DCC: variants seen among roughly 807,000 people sequenced by gnomAD.
DCC encodes the protein DCC netrin 1 receptor, also known as netrin receptor DCC.
A neutral mutation model predicts 172.5 loss-of-function variants in DCC; 58 were observed. The ratio of observed to expected loss-of-function variants is 0.34; its 90% confidence interval spans 0.27 to 0.42. The LOEUF is 0.42. Among genes scored for constraint, DCC ranks in the 10% least tolerant of loss-of-function variants. The pLI, the probability that DCC is intolerant of heterozygous loss-of-function variation, is 1.00. For synonymous variants in DCC, 709 were observed against 644.5 expected, an observed-to-expected ratio of 1.10 and a Z score of -1.52; for missense variants, 1,740 against 1,791.0, an observed-to-expected ratio of 0.97 and a Z score of 0.51.
chr18:52,619,896 A>C (rs1237805203), intron 1 of DCC, among the ~76,000 whole-genome samples: 1 of 152,178 alleles, frequency 6.6e-6, no homozygotes, highest in African/African-American at 2.4e-5. Flanking sequence ...AGTGATAAGC[A>C]CCAGTCATAA....
Position 53,285,313 on chromosome 18 carries a change from C to T in DCC, c.1912-20265C>T, listed in dbSNP as rs544591565. 3.9e-5 allele frequency among the ~76,000 whole-genome samples: 6 copies of T among 152,250 alleles called. No homozygotes were observed. In the East Asian group the frequency reaches 9.7e-4, roughly 25 times the overall value. On this transcript the variant is annotated intron_variant, in intron 12 of 28. Transcript: ENST00000442544. ...TTTGTGGGCTGGGCTCAGGGTCCCTCTATTGTGTGCAGTCTAGGGACTTGG... is the reference window on the plus strand; with the variant it reads ...TTTGTGGGCTGGGCTCAGGGTCCCTTTATTGTGTGCAGTCTAGGGACTTGG...
chr18:52,395,294 T>C (rs1986180068), intron 1 of DCC, among the ~76,000 whole-genome samples: 1 of 152,050 alleles, frequency 6.6e-6, no homozygotes, highest in Non-Finnish European at 1.5e-5. Flanking sequence ...ATAATACTAT[T>C]ATCCACCCAG....
intron 12 of DCC, among the ~76,000 whole-genome samples, chr18:53,226,270 G>C (rs1430737811): frequency 1.3e-5 from 2 of 152,126 alleles, no homozygotes; most frequent in Non-Finnish European, 2.9e-5. Flanking sequence ...CCCAGACAAA[G>C]GTAAGGTCTA....
At chr18:53,317,691 G>A (rs2057360129) in intron 13 of DCC, among the ~76,000 whole-genome samples, 1 of 152,102 alleles carries the variant, frequency 6.6e-6, no homozygotes, top group African/African-American at 2.4e-5. Flanking sequence ...ACTTCTTCCT[G>A]GTTTAGTCTT....
chr18:53,171,116 C>T (rs2055007495), intron 8 of DCC, among the ~76,000 whole-genome samples: 1 of 152,146 alleles, frequency 6.6e-6, no homozygotes, highest in Non-Finnish European at 1.5e-5. Context: ...AACTCCTGAC[C>T]TCAAGTGATC....
intron 1 of DCC, among the ~76,000 whole-genome samples, chr18:52,611,704 GA>G (rs1463333922): frequency 6.6e-6 from 1 of 152,136 alleles, no homozygotes; most frequent in Non-Finnish European, 1.5e-5. Flanking sequence ...CTTGATTTTA[GA>G]AAAGTTAAGT....
At chr18:53,388,703 C>T (rs188657661) in intron 16 of DCC, among the ~76,000 whole-genome samples, 10 of 152,316 alleles carry the variant, frequency 6.6e-5, no homozygotes, top group South Asian at 2.1e-4. Context: ...TAATAAAACA[C>T]GCTGTTTCAT....
At chr18:52,824,967 C>CATATATATATATAT (rs148347043) in intron 2 of DCC, among the ~76,000 whole-genome samples, 17 of 148,346 alleles carry the variant, frequency 1.1e-4, no homozygotes, top group South Asian at 6.7e-4. Context: ...GAGACTCCCT[C>CATATATATATATAT]ATATATATAT....
At chr18:52,862,445 G>A (rs148243512) in intron 2 of DCC, among the ~76,000 whole-genome samples, 196 of 152,214 alleles carry the variant, frequency 1.3e-3, no homozygotes, top group African/African-American at 4.5e-3. Context: ...GCTCACACCT[G>A]TAATCCCAAC....
At chr18:52,838,495 G>A (rs191214244) in intron 2 of DCC, among the ~76,000 whole-genome samples, 3 of 152,176 alleles carry the variant, frequency 2.0e-5, no homozygotes, top group Admixed American at 6.5e-5. Flanking sequence ...AGAAGATGCC[G>A]GGGTGTGGTG....
rs182691774 is a variant in DCC at position 52,851,941 on chromosome 18, C to T, written c.413-54103C>T. Among the ~76,000 whole-genome samples, 848 of 152,172 alleles carry T rather than the reference C, an allele frequency of 5.6e-3. 12 individuals carry two copies. The highest frequency in any genetic ancestry group is 0.02 in the African/African-American group (811 of 41,550). On this transcript the variant is annotated intron_variant, in intron 2 of 28. Coordinates refer to ENST00000442544, the MANE Select transcript of DCC (RefSeq NM_005215.4). Reference sequence around the variant, plus strand: ...GTTGAGACAGGTGATACTTCACTAACTTACTGTGGATAGAACATTGAATAT... The same window carrying T: ...GTTGAGACAGGTGATACTTCACTAATTTACTGTGGATAGAACATTGAATAT...
intron 2 of DCC, among the ~76,000 whole-genome samples, chr18:52,883,348 TTA>T (rs1396965688): frequency 0.14 from 14,587 of 106,072 alleles, 922 homozygotes; most frequent in African/African-American, 0.16. Context: ...ATTTATTTAT[TTA>T]TGTGTGTGTG....
At chr18:53,440,501 T>C (rs1230243129) in intron 22 of DCC, among the ~76,000 whole-genome samples, 1 of 42,296 alleles carries the variant, frequency 2.4e-5, no homozygotes, top group Non-Finnish European at 8.2e-5. Flanking sequence ...GCAAACCTGT[T>C]TTTTTTTTTT....
At chr18:53,213,682 C>T (rs1159434294) in intron 11 of DCC, among the ~76,000 whole-genome samples, 2 of 139,190 alleles carry the variant, frequency 1.4e-5, no homozygotes, top group South Asian at 2.4e-4. Context: ...AAAGAAGTGA[C>T]TCAATATCAC....
chr18:53,280,375 C>T (rs2056856943), intron 12 of DCC, among the ~76,000 whole-genome samples: 1 of 151,920 alleles, frequency 6.6e-6, no homozygotes, highest in Non-Finnish European at 1.5e-5. Flanking sequence ...TTTTTTGGAA[C>T]AATATATTGA....
intron 2 of DCC, among the ~76,000 whole-genome samples, chr18:52,822,705 A>G (rs1384848915): frequency 6.6e-6 from 1 of 152,200 alleles, no homozygotes; most frequent in South Asian, 2.1e-4. Flanking sequence ...TTATCTGCAG[A>G]TGAAAATCCT....
chr18:52,587,637 A>G (rs1411032682), intron 1 of DCC, among the ~76,000 whole-genome samples: 1 of 152,192 alleles, frequency 6.6e-6, no homozygotes. Context: ...TTCTTCTTCC[A>G]TGCAAAGTGC....
chr18:53,283,156 A>G (rs2056893289), intron 12 of DCC, among the ~76,000 whole-genome samples: 1 of 152,222 alleles, frequency 6.6e-6, no homozygotes, highest in African/African-American at 2.4e-5. Flanking sequence ...TTTCTTATGC[A>G]TCATAAAGCT....
At chr18:52,383,332 T>C (rs1443807883) in intron 1 of DCC, among the ~76,000 whole-genome samples, 2 of 152,152 alleles carry the variant, frequency 1.3e-5, no homozygotes, top group African/African-American at 4.8e-5. Context: ...TGTTATCATT[T>C]TTAAAATTGC....
Sources: gnomAD v4.1 joint callset for allele counts (sites outside exome capture counted in the v4.1 genomes callset) on GRCh38, gnomAD v4.1.1 for gene constraint, MANE v1.5 for transcripts, NCBI Gene and HGNC (gene_info 2026-07-23, HGNC 2026-07-21) for gene names.